CUL3: variants seen among roughly 807,000 people sequenced by gnomAD.
CUL3 encodes the protein cullin-3.
In CUL3, 19 loss-of-function variants were observed where a neutral mutation model predicts 89.1. The ratio of observed to expected loss-of-function variants is 0.21; its 90% CI spans 0.15 to 0.31. The LOEUF is 0.31. Ranked by LOEUF, CUL3 falls within the 10% of genes least tolerant of loss-of-function variation. CUL3 has a pLI of 1.00. For missense variants in CUL3, 469 were observed against 942.3 expected, an observed-to-expected ratio of 0.50 and a Z score of 6.58; for synonymous variants, 351 against 308.4, an observed-to-expected ratio of 1.14 and a Z score of -1.45.
At chr2:224,579,318 T>TA (rs1345934866) in intron 1 of CUL3, among the ~76,000 whole-genome samples, 1 of 152,148 alleles carries the variant, frequency 6.6e-6, no homozygotes, top group Admixed American at 6.5e-5. Flanking sequence ...AATTTATAAT[T>TA]AATTCTCTGC....
chr2:224,515,997 A>G (rs909241046), intron 3 of CUL3, among the ~76,000 whole-genome samples: 13 of 151,838 alleles, frequency 8.6e-5, no homozygotes, highest in African/African-American at 3.1e-4. Context: ...GCCCCAAACA[A>G]TTTTAATTAA....
At chr2:224,505,256 G>T (rs551556162) in intron 8 of CUL3, among the ~76,000 whole-genome samples, 207 of 151,808 alleles carry the variant, frequency 1.4e-3, no homozygotes, top group Non-Finnish European at 2.4e-3. Context: ...TCCTGCCTCA[G>T]CCTCCTGAGT....
In CUL3 at chr2:224,585,176, G is replaced by C. The variant is rs866233289; in HGVS notation, c.-167C>G. Reference sequence around the variant, plus strand: ...CCCTGGGCAGCCGCGGCGGCGGCGGGGGCGGCGGCGGCGGCGGCGGCGGCT... The same window carrying C: ...CCCTGGGCAGCCGCGGCGGCGGCGGCGGCGGCGGCGGCGGCGGCGGCGGCT... On this transcript the variant is annotated 5_prime_UTR_variant, in exon 1 of 16. Transcript: ENST00000264414. The C allele has an allele frequency of 2.3e-5, 6 of 261,094 alleles. No individual in the cohort carries two copies. The highest frequency in any genetic ancestry group is 1.4e-4 in the South Asian group (1 of 6,938). The allele number at this position is 261,094 out of a possible 1,614,324, so 16.2% of individuals were successfully genotyped here.
chr2:224,517,972 TTAA>T (rs771634479), intron 3 of CUL3, among the ~76,000 whole-genome samples: 18 of 152,122 alleles, frequency 1.2e-4, no homozygotes, highest in East Asian at 3.9e-4. Context: ...TAATTATATA[TTAA>T]TAATAAGTAC....
In CUL3 at chr2:224,472,250, C is replaced by A. The variant is rs750546745; in HGVS notation, c.*1995G>T. ...TTTACAGCCACACTTGAGACAATGA[C>A]GTAAACTTAAACTTTACTTTTAATG... is the stretch of plus-strand genomic sequence containing the variant. On this transcript the variant is annotated 3_prime_UTR_variant, in exon 16 of 16. Coordinates refer to ENST00000264414, the MANE Select transcript of CUL3 (RefSeq NM_003590.5). 1.8e-5 allele frequency: 4 copies of A among 218,256 alleles called. No homozygotes were observed. The East Asian group carries it at 2.7e-4, about 15-fold the overall frequency. The allele number at this position is 218,256 out of a possible 1,614,324, so 13.5% of individuals were successfully genotyped here.
chr2:224,578,718 T>TA (rs371066594), intron 1 of CUL3, among the ~76,000 whole-genome samples: 30 of 152,074 alleles, frequency 2.0e-4, no homozygotes, highest in African/African-American at 3.6e-4. Flanking sequence ...GAACTACTTT[T>TA]AAAAAAAAGT....
intron 6 of CUL3, among the ~76,000 whole-genome samples, chr2:224,507,387 A>G (rs1304121526): frequency 6.6e-6 from 1 of 152,164 alleles, no homozygotes; most frequent in African/African-American, 2.4e-5. Flanking sequence ...ATGACACTAC[A>G]AAACGTCTAC....
intron 1 of CUL3, chr2:224,560,344 T>C (rs948485990): frequency 2.6e-5 from 4 of 152,172 alleles, no homozygotes; most frequent in Admixed American, 1.3e-4. Flanking sequence ...TTAAAATTGA[T>C]ACATTCTCTG....
chr2:224,490,559 C>G (rs1476329168), intron 13 of CUL3, among the ~76,000 whole-genome samples: 1 of 152,012 alleles, frequency 6.6e-6, no homozygotes, highest in South Asian at 2.1e-4. Context: ...GTCTTTATTT[C>G]TACAATCTCT....
chr2:224,473,945 T>C lies in CUL3; in HGVS notation c.*300A>G, dbSNP rs1691221169. 7.9e-6 allele frequency: 2 copies of C among 252,948 alleles called. No homozygotes were observed. Among genetic ancestry groups the C allele is most frequent in the Admixed American group, 5.1e-5 (1 of 19,570 alleles). The allele number at this position is 252,948 out of a possible 1,614,324, so 15.7% of individuals were successfully genotyped here. ...AATTTTATTGTAATGAGCTGTATTT[T>C]CTAAATTTCTCTTTTATTTTCCTGT... On this transcript the variant is annotated 3_prime_UTR_variant, in exon 16 of 16. Coordinates refer to ENST00000264414, the MANE Select transcript of CUL3 (RefSeq NM_003590.5).
chr2:224,577,344 G>T (rs540444870), intron 1 of CUL3, among the ~76,000 whole-genome samples: 2 of 152,122 alleles, frequency 1.3e-5, no homozygotes, highest in Admixed American at 1.3e-4. Flanking sequence ...TGAGGCAGAC[G>T]GATCACGAGG....
At chr2:224,491,670 C>T (rs1259759471) in intron 13 of CUL3, among the ~76,000 whole-genome samples, 2 of 152,228 alleles carry the variant, frequency 1.3e-5, no homozygotes, top group South Asian at 2.1e-4. Flanking sequence ...TAGTATTTTC[C>T]TACTAACTAC....
chr2:224,515,129 T>C (rs1049852076), intron 3 of CUL3, among the ~76,000 whole-genome samples: 3 of 152,230 alleles, frequency 2.0e-5, no homozygotes, highest in African/African-American at 7.2e-5. Context: ...TTAAATACTG[T>C]AGTTGAAGAT....
intron 12 of CUL3, among the ~76,000 whole-genome samples, chr2:224,497,247 A>C (rs958325047): frequency 1.3e-5 from 2 of 152,158 alleles, no homozygotes; most frequent in Admixed American, 6.5e-5. Flanking sequence ...AAACCTCACA[A>C]TCTAGATATA....
At chr2:224,544,454 A>G (rs1280180837) in intron 2 of CUL3, among the ~76,000 whole-genome samples, 1 of 152,182 alleles carries the variant, frequency 6.6e-6, no homozygotes, top group Admixed American at 6.5e-5. Flanking sequence ...TTAACGATGG[A>G]TAAGTTGCTT....
At chr2:224,542,440 C>A (rs1694143077) in intron 2 of CUL3, among the ~76,000 whole-genome samples, 1 of 152,100 alleles carries the variant, frequency 6.6e-6, no homozygotes, top group Admixed American at 6.5e-5. Context: ...ATGCTCCCAC[C>A]TGAGCCTCCC....
At chr2:224,476,336 T>C (rs1212736026) in intron 15 of CUL3, among the ~76,000 whole-genome samples, 1 of 152,206 alleles carries the variant, frequency 6.6e-6, no homozygotes, top group Non-Finnish European at 1.5e-5. Flanking sequence ...GTATTATCTA[T>C]AGCTGCTTTC....
intron 2 of CUL3, among the ~76,000 whole-genome samples, chr2:224,551,367 G>C (rs1464334164): frequency 6.6e-6 from 1 of 151,996 alleles, no homozygotes; most frequent in African/African-American, 2.4e-5. Flanking sequence ...CACCACGTCC[G>C]GCTCATTTTT....
At chr2:224,567,208 G>A (rs551299884) in intron 1 of CUL3, among the ~76,000 whole-genome samples, 7 of 152,204 alleles carry the variant, frequency 4.6e-5, no homozygotes, top group Non-Finnish European at 8.8e-5. Context: ...GTCACAAGGT[G>A]TTTTTCTCTT....
Sources: gnomAD v4.1 joint callset for allele counts (sites outside exome capture counted in the v4.1 genomes callset) on GRCh38, gnomAD v4.1.1 for gene constraint, MANE v1.5 for transcripts, NCBI Gene and HGNC (gene_info 2026-07-23, HGNC 2026-07-21) for gene names.